The following BRCA2 variants were observed in gnomAD, a reference collection of about 807,000 sequenced individuals.
The protein encoded by BRCA2 is breast cancer type 2 susceptibility protein.
In BRCA2, 203 loss-of-function variants were observed where a neutral mutation model predicts 276.7. That is an observed-to-expected ratio of 0.73 (90% confidence interval 0.65 to 0.82). The LOEUF is 0.82. Ranked by LOEUF, BRCA2 falls within the 40% of genes least tolerant of loss-of-function variation. The pLI, the probability that BRCA2 is intolerant of heterozygous loss-of-function variation, is 0.00. For synonymous variants in BRCA2, 1,289 were observed against 1,338.4 expected, an observed-to-expected ratio of 0.96 and a Z score of 0.81; for missense variants, 3,920 against 3,915.0, an observed-to-expected ratio of 1.00 and a Z score of -0.03.
intron 7 of BRCA2, 28 bp from the exon 8 acceptor site, chr13:32,329,415 A>G (rs976247540): frequency 6.5e-7 from 1 of 1,535,586 alleles, no homozygotes; most frequent in Non-Finnish European, 9.0e-7. Flanking sequence ...GTGATAATAT[A>G]CAATACACAT....
intron 18 of BRCA2, among the ~76,000 whole-genome samples, chr13:32,363,839 C>G (rs2072763299): frequency 6.6e-6 from 1 of 152,158 alleles, no homozygotes; most frequent in African/African-American, 2.4e-5. Context: ...GATCAGATCC[C>G]TATTCCACTC....
At chr13:32,383,328 C>G (rs923607048) in intron 24 of BRCA2, among the ~76,000 whole-genome samples, 1 of 152,030 alleles carries the variant, frequency 6.6e-6, no homozygotes, top group East Asian at 1.9e-4. Context: ...CCACTGCACT[C>G]CAGACTGGGA....
chr13:32,397,953 T>C (rs565515942), intron 26 of BRCA2, among the ~76,000 whole-genome samples: 30 of 152,340 alleles, frequency 2.0e-4, no homozygotes, highest in African/African-American at 7.0e-4. Flanking sequence ...TCCTTCCTTT[T>C]CATGTCATTT....
At chr13:32,324,162 A>G (rs2072327027) in intron 3 of BRCA2, among the ~76,000 whole-genome samples, 2 of 152,182 alleles carry the variant, frequency 1.3e-5, no homozygotes, top group African/African-American at 4.8e-5. Context: ...AGTAGGGGGA[A>G]AAAGAACAGT....
chr13:32,339,490 G>A lies in BRCA2; in HGVS notation c.5135G>A (p.Gly1712Glu), dbSNP rs1453037467. ...PERINTADYV[G>E]NYLYENNSNS... ...AGAATAAATACTGCAGATTATGTAG[G>A]AAATTATTTGTATGAAAATAATTCA... is the stretch of plus-strand genomic sequence containing the variant. Residue 1712 changes from glycine (G) to glutamate (E), a missense_variant, in exon 11 of 27, where the codon GGA becomes GAA. Transcript: ENST00000380152. 6.3e-7 allele frequency: 1 copy of A among 1,582,588 alleles called. No homozygotes were observed. Among genetic ancestry groups the A allele is most frequent in the Admixed American group, 1.9e-5 (1 of 53,210 alleles).
chr13:32,387,960 C>T (rs1261502200), intron 24 of BRCA2, among the ~76,000 whole-genome samples: 2 of 152,102 alleles, frequency 1.3e-5, no homozygotes, highest in African/African-American at 2.4e-5. Flanking sequence ...CCGTTCGGGC[C>T]GCTACCGGTC....
chr13:32,357,600 TA>T, intron 15 of BRCA2, 141 bp from the exon 16 acceptor site: 1 of 780,878 alleles, frequency 1.3e-6, no homozygotes, highest in Non-Finnish European at 2.0e-6. Flanking sequence ...GTAAATAACT[TA>T]AATGTTTTTG....
At chr13:32,363,617 A>G (rs2137583529) in intron 18 of BRCA2, 84 bp downstream of exon 18, 1 of 1,215,356 alleles carries the variant, frequency 8.2e-7, no homozygotes. Context: ...TTAAATGCTT[A>G]CTAAGGATGC....
At chr13:32,342,922 G>A (rs756347957) in intron 11 of BRCA2, among the ~76,000 whole-genome samples, 2 of 152,004 alleles carry the variant, frequency 1.3e-5, no homozygotes, top group South Asian at 2.1e-4. Flanking sequence ...GGTGGCACAC[G>A]CCTGTAATCC....
At chr13:32,396,317 A>G (rs2073036851) in intron 25 of BRCA2, among the ~76,000 whole-genome samples, 1 of 152,156 alleles carries the variant, frequency 6.6e-6, no homozygotes, top group African/African-American at 2.4e-5. Flanking sequence ...ATCCTGCTGA[A>G]GAGACAACTG....
At position 32,336,562 on chromosome 13, in the gene BRCA2, C is replaced by T. The variant is rs746291931; in HGVS notation, c.2207C>T (p.Ala736Val). Residue 736 changes from alanine (A) to valine (V), a missense_variant, in exon 11 of 27, where the codon GCA becomes GTA. This residue lies in a region of BRCA2 where 3,263 missense variants were observed against 3,156.9 expected (regional missense o/e 1.03). Transcript: ENST00000380152. ...VSDIKEEVLA[A>V]ACHPVQHSKV... ...GATATAAAAGAAGAGGTCTTGGCTG[C>T]AGCATGTCACCCAGTACAACATTCA... The T allele has an allele frequency of 6.2e-7, 1 of 1,614,050 alleles. No homozygotes were observed. Among genetic ancestry groups the T allele is most frequent in the Non-Finnish European group, 8.5e-7 (1 of 1,179,976 alleles).
chr13:32,379,212 A>G (rs1271310552), intron 21 of BRCA2, 105 bp from the exon 22 acceptor site: 1 of 1,029,458 alleles, frequency 9.7e-7, no homozygotes, highest in East Asian at 2.6e-5. Flanking sequence ...CCTTAAGATG[A>G]GCTCTAATTT....
chr13:32,333,952 T>C (rs576162837), intron 10 of BRCA2, among the ~76,000 whole-genome samples: 5 of 152,200 alleles, frequency 3.3e-5, no homozygotes, highest in Non-Finnish European at 7.3e-5. Flanking sequence ...GACGTGATCT[T>C]GTTCCTTTTT....
intron 12 of BRCA2, among the ~76,000 whole-genome samples, chr13:32,345,838 A>G (rs1002440184): frequency 2.6e-5 from 4 of 152,006 alleles, no homozygotes; most frequent in African/African-American, 9.7e-5. Context: ...TCAGATGTGG[A>G]ATTTTCTACT....
At chr13:32,391,993 A>T (rs2073000107) in intron 24 of BRCA2, among the ~76,000 whole-genome samples, 1 of 152,206 alleles carries the variant, frequency 6.6e-6, no homozygotes, top group African/African-American at 2.4e-5. Context: ...AGATATATTT[A>T]AAAAGGACAT....
intron 16 of BRCA2, 42 bp downstream of exon 16, chr13:32,357,971 C>A (rs2137568125): frequency 6.3e-7 from 1 of 1,583,334 alleles, no homozygotes; most frequent in Non-Finnish European, 8.7e-7. Context: ...TTTATGTATT[C>A]CCTCATCCCT....
At chr13:32,331,712 CT>C (rs921363938) in intron 9 of BRCA2, among the ~76,000 whole-genome samples, 37 of 146,238 alleles carry the variant, frequency 2.5e-4, no homozygotes, top group Admixed American at 4.8e-4. Flanking sequence ...AAAATCTGAG[CT>C]TTTTTTTTTT....
chr13:32,318,915 G>T (rs1032184694), intron 2 of BRCA2, among the ~76,000 whole-genome samples, 162 bp from the exon 3 acceptor site: 2 of 152,066 alleles, frequency 1.3e-5, no homozygotes, highest in Non-Finnish European at 2.9e-5. Flanking sequence ...CTATAGATTC[G>T]CAAGAGAATG....
Position 32,356,559 on chromosome 13 carries a change from C to T in BRCA2, c.7567C>T (p.Leu2523=), listed in dbSNP as rs1179910049. The change falls in exon 15 of 27, where the codon CTG becomes TTG. Residue 2523 remains leucine, a synonymous_variant. Transcript: ENST00000380152. The part of the protein sequence containing the change: ...AKTSTLPRIS[L]KAAVGGQVPS... ...AACATCCACTCTGCCTCGAATCTCT[C>T]TGAAAGCAGCAGTAGGAGGCCAAGT... 1 of 1,614,230 alleles carries T rather than the reference C, an allele frequency of 6.2e-7. No homozygotes were observed. Among genetic ancestry groups the T allele is most frequent in the African/African-American group, 1.3e-5 (1 of 75,058 alleles).
Sources: gnomAD v4.1 joint callset for allele counts (sites outside exome capture counted in the v4.1 genomes callset) on GRCh38, gnomAD v4.1.1 for gene constraint, gnomAD v4.1.1 regional missense constraint, MANE v1.5 for transcripts, NCBI Gene and HGNC (gene_info 2026-07-23, HGNC 2026-07-21) for gene names.